Variants in LMO7 observed in about 807,000 individuals in gnomAD.
The protein encoded by LMO7 is LIM domain only protein 7.
Under a neutral mutation model 206.5 loss-of-function variants are expected in LMO7, and 120 were observed. The ratio of observed to expected loss-of-function variants is 0.58; its 90% CI spans 0.50 to 0.68. The LOEUF (loss-of-function observed/expected upper bound fraction) is 0.68, where lower values mean the gene tolerates loss of function less well. Ranked by LOEUF, LMO7 falls within the 30% of genes least tolerant of loss-of-function variation. The pLI is 0.00. For synonymous variants in LMO7, 706 were observed against 681.5 expected, an observed-to-expected ratio of 1.04 and a Z score of -0.56; for missense variants, 1,959 against 1,957.9, an observed-to-expected ratio of 1.00 and a Z score of -0.01.
chr13:75,680,837 C>T (rs944959106), intron 1 of LMO7, among the ~76,000 whole-genome samples: 18 of 151,982 alleles, frequency 1.2e-4, no homozygotes, highest in African/African-American at 2.7e-4. Flanking sequence ...TTTCTGTTCT[C>T]GTCATAGTCT....
At chr13:75,631,797 G>C (rs148067471), upstream of LMO7, 1 of 152,464 alleles carries the variant, frequency 6.6e-6, no homozygotes, top group Non-Finnish European at 1.5e-5. Flanking sequence ...ACTCTCCAAG[G>C]CTGGGCAGCA....
At chr13:75,713,155 AAATT>A in intron 1 of LMO7, 23 bp from the exon 2 acceptor site, 1 of 1,584,644 alleles carries the variant, frequency 6.3e-7, no homozygotes, top group Non-Finnish European at 8.6e-7. Flanking sequence ...GCTTAAGAGA[AAATT>A]AACAACCAAA....
At chr13:75,834,169 C>G (rs1334688527) in intron 16 of LMO7, 57 bp from the exon 17 acceptor site, 1 of 1,329,650 alleles carries the variant, frequency 7.5e-7, no homozygotes, top group Non-Finnish European at 1.0e-6. Flanking sequence ...AAAGCAGCAA[C>G]TAATAGAACA....
rs1159185380 is a variant in LMO7 at position 75,697,930 on chromosome 13, GCTGATTTCT to G, written c.70-15250_70-15242del. ...TGTTTCTGCAAGTTGTTTGAGGAAAGCTGATTTCTCCACAATTCTGCCATTGGGAATGTA... is the reference window on the plus strand; with the variant it reads ...TGTTTCTGCAAGTTGTTTGAGGAAAGCCACAATTCTGCCATTGGGAATGTA... On this transcript the variant is annotated intron_variant, in intron 1 of 30. Coordinates refer to ENST00000377534, the MANE Select transcript of LMO7 (RefSeq NM_001306080.2). 2.0e-5 allele frequency among the ~76,000 whole-genome samples: 3 copies of G among 152,192 alleles called. No homozygotes were observed. The East Asian group carries it at 5.8e-4, about 29-fold the overall frequency.
At chr13:75,822,762 C>CTA (rs66789925) in intron 14 of LMO7, among the ~76,000 whole-genome samples, 14,409 of 107,748 alleles carry the variant, frequency 0.13, 1,068 homozygotes, top group Non-Finnish European at 0.16. Flanking sequence ...TTTTTAGAAA[C>CTA]TATATATATA....
At chr13:75,772,194 A>G (rs899237918) in intron 4 of LMO7, among the ~76,000 whole-genome samples, 1 of 152,148 alleles carries the variant, frequency 6.6e-6, no homozygotes, top group Admixed American at 6.6e-5. Context: ...AATGATTGCC[A>G]TTTATTAGGA....
rs1259746833 is a variant in LMO7, at chr13:75,681,706, G to GTGTATATATA, written c.70-31475_70-31474insGTATATATAT. Among the ~76,000 whole-genome samples the GTGTATATATA allele has an allele frequency of 5.2e-3, 482 of 93,134 alleles. 33 individuals carry two copies. The highest frequency in any genetic ancestry group is 8.0e-3 in the Non-Finnish European group (358 of 44,878). The allele number at this position is 93,134 out of a possible 152,430, so 61.1% of individuals were successfully genotyped here. ...ATGTCATGTATGTATGTATGTATGT[G>GTGTATATATA]TATATATATATGTATATATATATAT... On this transcript the variant is annotated intron_variant, in intron 1 of 30. Transcript: ENST00000377534.
At chr13:75,770,535 G>A (rs77795399) in intron 4 of LMO7, among the ~76,000 whole-genome samples, 228 of 152,156 alleles carry the variant, frequency 1.5e-3, no homozygotes, top group African/African-American at 5.2e-3. Context: ...AAAGCCAAAA[G>A]TAGAGAAGCA....
At chr13:75,736,797 G>A (rs535920119) in intron 3 of LMO7, among the ~76,000 whole-genome samples, 1 of 152,338 alleles carries the variant, frequency 6.6e-6, no homozygotes, top group East Asian at 1.9e-4. Flanking sequence ...AGAAGCCTTA[G>A]TTGACACTTC....
Position 75,841,039 on chromosome 13 carries a change from T to C in LMO7, c.3583-70T>C. The C allele has an allele frequency of 1.2e-5, 11 of 933,502 alleles. No homozygotes were observed. The South Asian group carries it at 1.7e-4, about 15-fold the overall frequency. The allele number at this position is 933,502 out of a possible 1,614,324, so 57.8% of individuals were successfully genotyped here. A position where few individuals can be genotyped will look rare whatever the true frequency, so the allele number is the denominator to read the frequency against. On this transcript the variant is annotated intron_variant, in intron 22 of 30. Transcript: ENST00000377534. The stretch of plus-strand genomic sequence containing the variant: ...GTTGAAGGTTTAGAGATCATAAAAG[T>C]GTTAATAAAGAAGATTCCTAATGTG...
At chr13:75,750,607 C>A (rs547211447) in intron 3 of LMO7, among the ~76,000 whole-genome samples, 2 of 152,220 alleles carry the variant, frequency 1.3e-5, no homozygotes, top group South Asian at 4.2e-4. Context: ...GTTGCCCAGG[C>A]TGGTCTCTAA....
intron 6 of LMO7, among the ~76,000 whole-genome samples, chr13:75,798,702 T>G (rs35843177): frequency 0.037 from 5,662 of 152,304 alleles, 132 homozygotes; most frequent in Non-Finnish European, 0.053. Flanking sequence ...AGATAATGCT[T>G]AAAAGCTAAC....
rs765977360 is a variant in LMO7 at position 75,823,770 on chromosome 13, C to A, written c.2846C>A (p.Ala949Asp). The A allele has an allele frequency of 1.2e-6, 2 of 1,613,976 alleles. No individual in the cohort carries two copies. Among genetic ancestry groups the A allele is most frequent in the African/African-American group, 2.7e-5 (2 of 74,936 alleles). ...TTCTCATCTCTTTCCCAAGACCAGG[C>A]TGCCACTTCTAAAGCCACATTGTCT... is the stretch of plus-strand genomic sequence containing the variant. Reference protein sequence around the residue: ...SPFSSLSQDQAATSKATLSST... With the variant: ...SPFSSLSQDQDATSKATLSST... The change falls in exon 15 of 31, where the codon GCT becomes GAT. Residue 949 changes from alanine (A) to aspartate (D), a missense_variant. Coordinates refer to ENST00000377534, the MANE Select transcript of LMO7 (RefSeq NM_001306080.2).
chr13:75,785,110 A>T (rs909524207), intron 4 of LMO7, among the ~76,000 whole-genome samples: 8 of 152,324 alleles, frequency 5.3e-5, no homozygotes, highest in Middle Eastern at 3.4e-3. Flanking sequence ...TTTGGGTGAC[A>T]GATTTAGGAA....
chr13:75,817,610 A>G (rs905392229), intron 12 of LMO7, among the ~76,000 whole-genome samples: 8 of 152,142 alleles, frequency 5.3e-5, no homozygotes, highest in South Asian at 4.1e-4. Flanking sequence ...CTATACTCTA[A>G]TGGGAAAGAC....
chr13:75,687,954 C>T (rs1412291972), intron 1 of LMO7, among the ~76,000 whole-genome samples: 1 of 152,112 alleles, frequency 6.6e-6, no homozygotes, highest in East Asian at 1.9e-4. Context: ...GGGGGTGGTT[C>T]TTTCCCATGC....
rs1259746833 is a variant in LMO7, at chr13:75,681,706, G to GTGTGTA, written c.70-31475_70-31474insGTGTAT. ...ATGTCATGTATGTATGTATGTATGTGTATATATATATGTATATATATATAT... is the reference window on the plus strand; with the variant it reads ...ATGTCATGTATGTATGTATGTATGTGTGTGTATATATATATATGTATATATATATAT... On this transcript the variant is annotated intron_variant, in intron 1 of 30. Coordinates refer to ENST00000377534, the MANE Select transcript of LMO7 (RefSeq NM_001306080.2). Among the ~76,000 whole-genome samples, 239 of 93,264 alleles carry GTGTGTA rather than the reference G, an allele frequency of 2.6e-3. 4 individuals are homozygous for GTGTGTA. The highest frequency in any genetic ancestry group is 5.7e-3 in the African/African-American group (156 of 27,512). The allele number at this position is 93,264 out of a possible 152,430, so 61.2% of individuals were successfully genotyped here.
At chr13:75,740,774 G>C (rs533032512) in intron 3 of LMO7, among the ~76,000 whole-genome samples, 14 of 152,312 alleles carry the variant, frequency 9.2e-5, no homozygotes, top group Admixed American at 7.8e-4. Flanking sequence ...ATCATCAGAT[G>C]GATGTAAACA....
At position 75,856,516 on chromosome 13, in the gene LMO7, G is replaced by T; in HGVS notation, c.4781G>T (p.Cys1594Phe). 6 of 1,604,624 alleles carry T rather than the reference G, an allele frequency of 3.7e-6. No homozygotes were observed. The highest frequency in any genetic ancestry group is 5.1e-6 in the Non-Finnish European group (6 of 1,172,488). ...YHLHCFKCVA[C>F]ECDLGGSSSG... is the part of the protein sequence containing the mutation. ...TTTTTTGTTCCCCAGTGTGTTGCCT[G>T]TGAGTGTGACCTCGGAGGCTCTTCC... The change falls in exon 30 of 31, where the codon TGT becomes TTT. Residue 1594 changes from cysteine to phenylalanine, a missense_variant. Physicochemically the swap from Cys to Phe is radical, Grantham distance 205 (BLOSUM62 -2). Coordinates refer to ENST00000377534, the MANE Select transcript of LMO7 (RefSeq NM_001306080.2).
Sources: gnomAD v4.1 joint callset for allele counts (sites outside exome capture counted in the v4.1 genomes callset) on GRCh38, gnomAD v4.1.1 for gene constraint, MANE v1.5 for transcripts, NCBI Gene and HGNC (gene_info 2026-07-23, HGNC 2026-07-21) for gene names.